Variants in IRAG2 observed in about 807,000 individuals in gnomAD.
The protein encoded by IRAG2 is lymphoid restricted membrane protein.
Under a neutral mutation model 69.9 loss-of-function variants are expected in IRAG2, and 45 were observed. The ratio of observed to expected loss-of-function variants is 0.64; its 90% CI spans 0.51 to 0.83. The LOEUF is 0.83. Ranked by LOEUF, IRAG2 falls within the 40% of genes least tolerant of loss-of-function variation. The pLI is 0.00. For missense variants in IRAG2, 520 were observed against 587.0 expected, an observed-to-expected ratio of 0.89 and a Z score of 1.18; for synonymous variants, 193 against 202.4, an observed-to-expected ratio of 0.95 and a Z score of 0.40.
At chr12:25,004,633 T>C (rs1944417080) in exon 1 of IRAG2, 3 of 1,231,914 alleles carry the variant, frequency 2.4e-6, no homozygotes, top group Non-Finnish European at 3.0e-6. Flanking sequence ...AAGAACCCCA[T>C]CCACCTCTCA....
chr12:25,087,990 T>G, intron 10 of IRAG2, 110 bp from the exon 11 acceptor site: 1 of 762,316 alleles, frequency 1.3e-6, no homozygotes. Flanking sequence ...GGGACTGCTG[T>G]TATAGAGTGT....
intron 16 of IRAG2, among the ~76,000 whole-genome samples, chr12:25,044,816 TAA>T (rs1431312035): frequency 2.0e-5 from 3 of 151,970 alleles, no homozygotes; most frequent in Non-Finnish European, 2.9e-5. Context: ...AATAAAATAA[TAA>T]AAGACTGTAG....
chr12:25,022,167 A>G (rs1944586267), intron 7 of IRAG2, among the ~76,000 whole-genome samples: 1 of 152,230 alleles, frequency 6.6e-6, no homozygotes, highest in Admixed American at 6.5e-5. Flanking sequence ...GCGCATGTAA[A>G]GCATTCAATG....
chr12:25,089,217 T>C (rs1947856696), intron 11 of IRAG2, among the ~76,000 whole-genome samples: 1 of 152,170 alleles, frequency 6.6e-6, no homozygotes, highest in African/African-American at 2.4e-5. Context: ...ATTACTACTA[T>C]TATTATTACT....
intron 16 of IRAG2, among the ~76,000 whole-genome samples, chr12:25,040,821 C>T (rs753279858): frequency 9.2e-5 from 14 of 152,284 alleles, no homozygotes; most frequent in Non-Finnish European, 1.9e-4. Flanking sequence ...GCCTGGCTTC[C>T]ACCCCTTCCC....
chr12:25,062,533 G>A (rs958340595), intron 2 of IRAG2, among the ~76,000 whole-genome samples: 115 of 152,272 alleles, frequency 7.6e-4, no homozygotes, highest in Non-Finnish European at 3.4e-4. Context: ...ACTCTGAGTT[G>A]CATCTCTAAC....
chr12:25,027,398 CTT>C (rs527395400), intron 9 of IRAG2, among the ~76,000 whole-genome samples: 4 of 128,448 alleles, frequency 3.1e-5, no homozygotes, highest in Non-Finnish European at 5.0e-5. Flanking sequence ...CTTTTTTTTT[CTT>C]TTTTTTTTTT....
chr12:25,063,160 T>G (rs1945735159), intron 3 of IRAG2, among the ~76,000 whole-genome samples: 1 of 152,172 alleles, frequency 6.6e-6, no homozygotes, highest in African/African-American at 2.4e-5. Flanking sequence ...CCTCCTGGGT[T>G]CAAGAGATTC....
chr12:25,091,873 CT>C, intron 14 of IRAG2, among the ~76,000 whole-genome samples: 1 of 152,306 alleles, frequency 6.6e-6, no homozygotes, highest in Non-Finnish European at 1.5e-5. Flanking sequence ...TATTGTGCAT[CT>C]TTTCATGTGC....
chr12:25,032,773 C>T lies in IRAG2; in HGVS notation c.1643+404C>T, dbSNP rs577118003. ...GCTTCTTCTTATAAGGACACTAATCCCATTCATGAGGGCTCCAACCTCATA... is the reference window on the plus strand; with the variant it reads ...GCTTCTTCTTATAAGGACACTAATCTCATTCATGAGGGCTCCAACCTCATA... On this transcript the variant is annotated intron_variant, in intron 12 of 38. Coordinates refer to the IRAG2 transcript ENST00000636465. Among the ~76,000 whole-genome samples, 6 of 152,244 alleles carry T rather than the reference C, an allele frequency of 3.9e-5. 1 individual carries two copies. Among genetic ancestry groups the T allele is most frequent in the Admixed American group, 3.9e-4 (6 of 15,302 alleles).
chr12:25,069,477 T>G (rs1159165657), intron 6 of IRAG2, 46 bp downstream of exon 6: 1 of 1,529,860 alleles, frequency 6.5e-7, no homozygotes, highest in East Asian at 2.3e-5. Flanking sequence ...TATTACCATA[T>G]CCTGTTCTTC....
At chr12:25,028,134 A>G (rs1390114551) in intron 9 of IRAG2, among the ~76,000 whole-genome samples, 1 of 152,114 alleles carries the variant, frequency 6.6e-6, no homozygotes, top group African/African-American at 2.4e-5. Flanking sequence ...CATGTTGGCC[A>G]GGCTGTTCTC....
intron 17 of IRAG2, chr12:25,103,608 G>C (rs775230242): frequency 2.0e-6 from 1 of 488,162 alleles, no homozygotes; most frequent in Non-Finnish European, 3.6e-6. Flanking sequence ...TTGTATATTT[G>C]TTAGATTGGC....
chr12:25,048,225 T>C (rs1343080104), upstream of IRAG2, among the ~76,000 whole-genome samples: 1 of 152,232 alleles, frequency 6.6e-6, no homozygotes, highest in Non-Finnish European at 1.5e-5. Context: ...TTGAGCTTTT[T>C]TTCATGTTTG....
At chr12:25,092,484 G>T (rs1399640199) in intron 14 of IRAG2, among the ~76,000 whole-genome samples, 1 of 148,556 alleles carries the variant, frequency 6.7e-6, no homozygotes, top group Non-Finnish European at 1.5e-5. Context: ...AGAATCGCTT[G>T]AACTCAGGAG....
At chr12:25,046,267 T>C (rs1374857828) in intron 16 of IRAG2, among the ~76,000 whole-genome samples, 2 of 152,040 alleles carry the variant, frequency 1.3e-5, no homozygotes, top group African/African-American at 4.8e-5. Flanking sequence ...CACTCAATGG[T>C]AAAACACAAA....
intron 16 of IRAG2, among the ~76,000 whole-genome samples, chr12:25,040,867 CAG>C (rs1944742862): frequency 6.6e-6 from 1 of 152,160 alleles, no homozygotes; most frequent in African/African-American, 2.4e-5. Flanking sequence ...GGAAATAAGA[CAG>C]AAATCTCTGC....
upstream of IRAG2, among the ~76,000 whole-genome samples, chr12:25,050,551 AC>A (rs775811375): frequency 0.07 from 8,451 of 120,788 alleles, 2,271 homozygotes; most frequent in South Asian, 0.099. Flanking sequence ...AAACAAACAA[AC>A]AAAAAAAAAC....
At chr12:25,025,216 C>T (rs188909639) in intron 8 of IRAG2, among the ~76,000 whole-genome samples, 54 of 152,264 alleles carry the variant, frequency 3.5e-4, no homozygotes, top group African/African-American at 1.3e-3. Flanking sequence ...GAAAACAGAA[C>T]TGAGGCAGAG....
Sources: allele counts gnomAD v4.1 joint callset (sites outside exome capture counted in the v4.1 genomes callset), GRCh38; gene constraint gnomAD v4.1.1; transcripts MANE v1.5; gene names NCBI Gene and HGNC (gene_info 2026-07-23, HGNC 2026-07-21).